PARPBP: variants seen among roughly 807,000 people sequenced by gnomAD.
PARPBP encodes PARP1 binding protein.
Under a neutral mutation model 50.0 loss-of-function variants are expected in PARPBP, and 52 were observed. The ratio of observed to expected loss-of-function variants is 1.04; its 90% CI spans 0.83 to 1.31. The LOEUF is 1.31. PARPBP is among the 50% of genes most tolerant of loss of function. The pLI is 0.00. For synonymous variants in PARPBP, 244 were observed against 232.1 expected (o/e 1.05, Z -0.47); for missense variants, 697 against 672.0 (o/e 1.04, Z -0.41).
intron 9 of PARPBP, among the ~76,000 whole-genome samples, chr12:102,191,474 A>T (rs1890791196): frequency 6.6e-6 from 1 of 152,182 alleles, no homozygotes; most frequent in Admixed American, 6.5e-5. Flanking sequence ...TTTACTAGGT[A>T]TGTTGAATAA....
intron 2 of PARPBP, among the ~76,000 whole-genome samples, chr12:102,125,815 A>G (rs1881907160): frequency 6.6e-6 from 1 of 152,208 alleles, no homozygotes; most frequent in Non-Finnish European, 1.5e-5. Context: ...TAAGAAGAAT[A>G]TGATGCTCAG....
intron 6 of PARPBP, among the ~76,000 whole-genome samples, chr12:102,172,473 A>G (rs1286688364): frequency 4.6e-5 from 7 of 152,220 alleles, no homozygotes; most frequent in Admixed American, 4.6e-4. Flanking sequence ...AGAAGCAAGA[A>G]TTTGAATTAA....
intron 2 of PARPBP, among the ~76,000 whole-genome samples, chr12:102,128,577 G>T (rs972909089): frequency 2.0e-5 from 3 of 152,140 alleles, no homozygotes; most frequent in African/African-American, 4.8e-5. Context: ...AGATTATGTG[G>T]TGTTTGTCTT....
In PARPBP at chr12:102,139,735, G is replaced by A. The variant is rs530085609; in HGVS notation, c.154-8495G>A. 2.5e-4 allele frequency among the ~76,000 whole-genome samples: 38 copies of A among 152,314 alleles called. 1 individual carries two copies. The East Asian group carries it at 7.3e-3, about 29-fold the overall frequency. On this transcript the variant is annotated intron_variant, in intron 2 of 10. Coordinates refer to ENST00000327680, the MANE Select transcript of PARPBP (RefSeq NM_017915.5). ...GGAAGGCCTTTTCTGCATCTGTTGA[G>A]ATAATCATGTGGTTTTTGTCTTTGG...
chr12:102,184,087 A>T (rs1302961406), intron 9 of PARPBP, among the ~76,000 whole-genome samples: 2 of 150,392 alleles, frequency 1.3e-5, no homozygotes, highest in African/African-American at 4.9e-5. Flanking sequence ...AAGACATGAC[A>T]TAAGGAAAAA....
intron 6 of PARPBP, 27 bp from the exon 7 acceptor site, chr12:102,175,456 T>C: frequency 6.5e-7 from 1 of 1,545,870 alleles, no homozygotes; most frequent in Non-Finnish European, 8.9e-7. Context: ...AATACTGCTA[T>C]AGAGGCAATC....
chr12:102,134,883 G>A (rs896344166), intron 2 of PARPBP, among the ~76,000 whole-genome samples: 1 of 152,090 alleles, frequency 6.6e-6, no homozygotes, highest in Non-Finnish European at 1.5e-5. Flanking sequence ...TCTCCATGTT[G>A]CCCAGGCTGG....
intron 9 of PARPBP, among the ~76,000 whole-genome samples, chr12:102,194,058 G>T (rs894599488): frequency 1.3e-5 from 2 of 151,922 alleles, no homozygotes; most frequent in Admixed American, 1.3e-4. Context: ...TAGAAAATTT[G>T]TCATCCTAGG....
At chr12:102,133,074 GA>G (rs1484880674) in intron 2 of PARPBP, among the ~76,000 whole-genome samples, 1 of 152,028 alleles carries the variant, frequency 6.6e-6, no homozygotes, top group Non-Finnish European at 1.5e-5. Flanking sequence ...CTGTATATAA[GA>G]ACATGTTATC....
intron 2 of PARPBP, among the ~76,000 whole-genome samples, chr12:102,126,498 C>G (rs1177881232): frequency 1.3e-5 from 2 of 152,280 alleles, no homozygotes; most frequent in East Asian, 3.9e-4. Flanking sequence ...AAAGTTGTAA[C>G]AGATGGGGCC....
At chr12:102,140,291 C>G (rs993899190) in intron 2 of PARPBP, among the ~76,000 whole-genome samples, 2 of 152,160 alleles carry the variant, frequency 1.3e-5, no homozygotes, top group Non-Finnish European at 2.9e-5. Flanking sequence ...ATAGTATTGT[C>G]TGATGATAGT....
At chr12:102,190,123 T>TG (rs933889877) in intron 9 of PARPBP, among the ~76,000 whole-genome samples, 1 of 152,176 alleles carries the variant, frequency 6.6e-6, no homozygotes, top group Non-Finnish European at 1.5e-5. Flanking sequence ...TATATTTTTA[T>TG]GGGGTACATG....
chr12:102,150,089 A>G (rs1401243153), intron 3 of PARPBP, among the ~76,000 whole-genome samples: 1 of 152,136 alleles, frequency 6.6e-6, no homozygotes, highest in African/African-American at 2.4e-5. Context: ...ATAGTATGAT[A>G]TATATCAGGG....
Position 102,196,810 on chromosome 12 carries a change from T to C in PARPBP, c.*519T>C, listed in dbSNP as rs187611964. The C allele has an allele frequency of 1.2e-5, 13 of 1,068,698 alleles. No homozygotes were observed. The East Asian group carries it at 3.2e-4, about 26-fold the overall frequency. 66.2% of individuals were successfully genotyped at this position (1,068,698 alleles called of 1,614,324 possible). A position where few individuals can be genotyped will look rare whatever the true frequency, so the allele number is the denominator to read the frequency against. On this transcript the variant is annotated 3_prime_UTR_variant, in exon 11 of 11. Transcript: ENST00000327680. ...ATAACTAATTCTGAGTAAACCAAAA[T>C]GATAATAATTAATTGTTGCTATTTA...
chr12:102,154,182 A>G (rs1886582572), intron 4 of PARPBP, among the ~76,000 whole-genome samples: 1 of 152,248 alleles, frequency 6.6e-6, no homozygotes, highest in African/African-American at 2.4e-5. Context: ...CCAAGGTAAC[A>G]GGCATTGAAC....
At chr12:102,160,960 AT>A (rs1436894878) in intron 4 of PARPBP, among the ~76,000 whole-genome samples, 17 of 130,894 alleles carry the variant, frequency 1.3e-4, no homozygotes, top group African/African-American at 3.5e-4. Flanking sequence ...AAAAAAAAAA[AT>A]ATATATATAA....
intron 9 of PARPBP, among the ~76,000 whole-genome samples, chr12:102,194,989 C>T (rs538413924): frequency 1.2e-3 from 182 of 151,270 alleles, no homozygotes; most frequent in African/African-American, 4.0e-3. Flanking sequence ...TACAATAAGA[C>T]GCTCCAAAGC....
In PARPBP at chr12:102,124,184, C is replaced by CT; in HGVS notation, c.153+144dup. ...TAATACACCATTTTCACAAATGCCT[C>CT]TGTGTATCTGTGTCAGAATGTTATG... On this transcript the variant is annotated intron_variant, in intron 2 of 10. Transcript: ENST00000327680. 4.7e-6 allele frequency: 3 copies of CT among 640,322 alleles called. No individual in the cohort carries two copies. The East Asian group carries it at 8.3e-5, about 18-fold the overall frequency. 39.7% of individuals were successfully genotyped at this position (640,322 alleles called of 1,614,324 possible).
intron 9 of PARPBP, among the ~76,000 whole-genome samples, chr12:102,194,990 G>A (rs1205313147): frequency 1.3e-5 from 2 of 151,082 alleles, no homozygotes; most frequent in African/African-American, 2.4e-5. Flanking sequence ...ACAATAAGAC[G>A]CTCCAAAGCA....
Sources: allele counts gnomAD v4.1 joint callset (sites outside exome capture counted in the v4.1 genomes callset), GRCh38; gene constraint gnomAD v4.1.1; transcripts MANE v1.5; gene names NCBI Gene and HGNC (gene_info 2026-07-23, HGNC 2026-07-21).